The following OPCML variants were observed in gnomAD, a reference collection of about 807,000 sequenced individuals.
OPCML encodes opioid-binding protein/cell adhesion molecule.
Under a neutral mutation model 37.8 loss-of-function variants are expected in OPCML, and 13 were observed. That is an observed-to-expected ratio of 0.34 (90% CI 0.22 to 0.55). OPCML has a LOEUF of 0.55. Among genes scored for constraint, OPCML ranks in the 20% least tolerant of loss-of-function variants. OPCML has a pLI of 0.91. For synonymous variants in OPCML, 176 were observed against 168.8 expected (o/e 1.04, Z -0.33); for missense variants, 341 against 435.6 (o/e 0.78, Z 1.93).
At chr11:132,492,637 T>G (rs1023795398) in intron 4 of OPCML, among the ~76,000 whole-genome samples, 5 of 152,114 alleles carry the variant, frequency 3.3e-5, no homozygotes, top group Admixed American at 3.3e-4. Context: ...TTTGGCTTCC[T>G]GTAGATAAAT....
Position 133,039,522 on chromosome 11 carries a change from C to T in OPCML, c.62-96512G>A, listed in dbSNP as rs138224578. ...ACTCATTTGAAGAGTGGAGTGTATA[C>T]CCATTGGATGGTGGTCATAGTGCAC... On this transcript the variant is annotated intron_variant, in intron 1 of 7. Transcript: ENST00000524381. Among the ~76,000 whole-genome samples, 1,274 of 152,172 alleles carry T rather than the reference C, an allele frequency of 8.4e-3. 16 individuals are homozygous for T. The highest frequency in any genetic ancestry group is 0.013 in the Non-Finnish European group (854 of 68,002).
chr11:132,635,267 G>A (rs748218836), intron 3 of OPCML, among the ~76,000 whole-genome samples: 6 of 151,988 alleles, frequency 3.9e-5, no homozygotes, highest in Non-Finnish European at 8.8e-5. Flanking sequence ...CCCCCCCATT[G>A]CAAAATAAAA....
At chr11:132,498,065 G>T (rs2096236956) in intron 4 of OPCML, among the ~76,000 whole-genome samples, 1 of 152,108 alleles carries the variant, frequency 6.6e-6, no homozygotes, top group Non-Finnish European at 1.5e-5. Flanking sequence ...TGAATTATTT[G>T]TCTAAACATA....
chr11:132,980,655 T>C (rs1185463729), intron 1 of OPCML, among the ~76,000 whole-genome samples: 1 of 152,210 alleles, frequency 6.6e-6, no homozygotes, highest in African/African-American at 2.4e-5. Context: ...AACAAGGATG[T>C]ACGTTTCCAT....
chr11:132,809,668 A>G (rs1009214778), intron 2 of OPCML, among the ~76,000 whole-genome samples: 4 of 152,102 alleles, frequency 2.6e-5, no homozygotes, highest in Non-Finnish European at 5.9e-5. Context: ...AATTAAAAAA[A>G]GTGCCATCTC....
At chr11:133,489,648 T>A (rs999872504) in intron 1 of OPCML, among the ~76,000 whole-genome samples, 1 of 151,960 alleles carries the variant, frequency 6.6e-6, no homozygotes, top group Non-Finnish European at 1.5e-5. Context: ...TAATACAAAA[T>A]AGAACTACCA....
intron 1 of OPCML, among the ~76,000 whole-genome samples, chr11:132,946,342 A>T (rs1322881007): frequency 6.6e-6 from 1 of 152,226 alleles, no homozygotes; most frequent in Non-Finnish European, 1.5e-5. Flanking sequence ...TACTGTAAAG[A>T]TAAAAAGTAT....
chr11:132,738,944 A>AT (rs1283574206), intron 2 of OPCML, among the ~76,000 whole-genome samples: 1 of 152,144 alleles, frequency 6.6e-6, no homozygotes, highest in Admixed American at 6.5e-5. Context: ...CATAGAGATG[A>AT]TTTTGAGCTG....
intron 2 of OPCML, among the ~76,000 whole-genome samples, chr11:132,765,481 C>T (rs1301681661): frequency 1.3e-5 from 2 of 152,164 alleles, no homozygotes; most frequent in South Asian, 2.1e-4. Flanking sequence ...ACCGATGGCA[C>T]GGCTTCCTGT....
At chr11:132,613,217 A>G (rs1209918477) in intron 3 of OPCML, among the ~76,000 whole-genome samples, 2 of 152,228 alleles carry the variant, frequency 1.3e-5, no homozygotes, top group Non-Finnish European at 1.5e-5. Flanking sequence ...AAAAGCACAG[A>G]GCATTGTAAT....
intron 2 of OPCML, among the ~76,000 whole-genome samples, chr11:132,705,861 G>T (rs951662558): frequency 1.3e-5 from 2 of 152,096 alleles, no homozygotes; most frequent in African/African-American, 4.8e-5. Flanking sequence ...AGGATGGAGT[G>T]CAGTGGCACA....
intron 2 of OPCML, among the ~76,000 whole-genome samples, chr11:132,686,632 T>G (rs1008503591): frequency 1.3e-5 from 2 of 152,200 alleles, no homozygotes; most frequent in African/African-American, 4.8e-5. Flanking sequence ...TCTTTACTGC[T>G]CAAAACACTT....
At chr11:132,917,399 G>A (rs1256105594) in intron 2 of OPCML, among the ~76,000 whole-genome samples, 2 of 147,304 alleles carry the variant, frequency 1.4e-5, no homozygotes, top group East Asian at 4.0e-4. Context: ...ATATGCTCTG[G>A]TTCACTCTGG....
intron 2 of OPCML, among the ~76,000 whole-genome samples, chr11:132,870,774 C>T (rs1591731398): frequency 6.6e-6 from 1 of 152,092 alleles, no homozygotes; most frequent in South Asian, 2.1e-4. Flanking sequence ...ACCTAGAGTA[C>T]ATTACATTAA....
intron 2 of OPCML, among the ~76,000 whole-genome samples, chr11:132,882,478 T>G (rs1301672949): frequency 6.6e-6 from 1 of 152,160 alleles, no homozygotes; most frequent in Non-Finnish European, 1.5e-5. Context: ...CCTCTCTTAT[T>G]GAGATTTATA....
chr11:133,320,012 T>A (rs1299873094), intron 1 of OPCML, among the ~76,000 whole-genome samples: 2 of 152,228 alleles, frequency 1.3e-5, no homozygotes, highest in East Asian at 3.9e-4. Flanking sequence ...GATCTGACTC[T>A]GCTTCGTCCT....
Position 132,952,677 on chromosome 11 carries a change from C to T in OPCML, c.62-9667G>A, listed in dbSNP as rs1325420513. ...TGCGTGAATTAAAATGCCTGGCTTC[C>T]AATCCCAGCTCTGCTACTTCCAAGC... On this transcript the variant is annotated intron_variant, in intron 1 of 7. Coordinates refer to ENST00000524381, the MANE Select transcript of OPCML (RefSeq NM_001012393.5). Among the ~76,000 whole-genome samples the T allele has an allele frequency of 2.6e-5, 4 of 152,076 alleles. No homozygotes were observed. The East Asian group carries it at 7.8e-4, about 29-fold the overall frequency.
intron 1 of OPCML, among the ~76,000 whole-genome samples, chr11:133,313,944 T>C (rs1002415815): frequency 2.0e-5 from 3 of 152,172 alleles, no homozygotes; most frequent in African/African-American, 7.2e-5. Flanking sequence ...GCTATAAGAA[T>C]ACGATTTCAG....
intron 1 of OPCML, among the ~76,000 whole-genome samples, chr11:133,313,957 T>G (rs565382093): frequency 6.6e-6 from 1 of 152,158 alleles, no homozygotes; most frequent in Admixed American, 6.5e-5. Flanking sequence ...GATTTCAGGC[T>G]GGGCGCAGTG....
Sources: gnomAD v4.1 joint callset for allele counts (sites outside exome capture counted in the v4.1 genomes callset) on GRCh38, gnomAD v4.1.1 for gene constraint, MANE v1.5 for transcripts, NCBI Gene and HGNC (gene_info 2026-07-23, HGNC 2026-07-21) for gene names.